WFDC1: variants seen among roughly 807,000 people sequenced by gnomAD.
The protein encoded by WFDC1 is WAP four-disulfide core domain 1.
A neutral mutation model predicts 32.9 loss-of-function variants in WFDC1; 39 were observed. The observed-to-expected ratio is 1.19, with a 90% CI of 0.92 to 1.55. The LOEUF (loss-of-function observed/expected upper bound fraction) is 1.55, where lower values mean the gene tolerates loss of function less well. WFDC1 is among the 40% of genes most tolerant of loss of function. WFDC1 has a pLI of 0.00. For synonymous variants in WFDC1, 184 were observed against 137.4 expected, an observed-to-expected ratio of 1.34 and a Z score of -2.37; for missense variants, 386 against 309.5, an observed-to-expected ratio of 1.25 and a Z score of -1.85.
chr16:84,295,900 G>A (rs921789231), intron 1 of WFDC1: 2 of 152,530 alleles, frequency 1.3e-5, no homozygotes, highest in African/African-American at 4.8e-5. Context: ...ACTGTCCTAG[G>A]CTGTGGGGAT....
intron 1 of WFDC1, among the ~76,000 whole-genome samples, chr16:84,302,563 G>A (rs535450168): frequency 4.6e-5 from 7 of 151,980 alleles, no homozygotes; most frequent in East Asian, 3.9e-4. Context: ...CATCTCCTCC[G>A]AGGCCTCTCC....
At chr16:84,310,400 G>T (rs1449401436) in intron 1 of WFDC1, among the ~76,000 whole-genome samples, 1 of 152,186 alleles carries the variant, frequency 6.6e-6, no homozygotes, top group Non-Finnish European at 1.5e-5. Flanking sequence ...AGCAGCTTCA[G>T]TAGCTTTGTG....
chr16:84,328,198 C>G (rs1908713878), intron 6 of WFDC1: 1 of 152,630 alleles, frequency 6.6e-6, no homozygotes, highest in Non-Finnish European at 1.5e-5. Context: ...CTTTGGGGAG[C>G]CAAAGAAGGC....
At chr16:84,326,673 A>G in intron 5 of WFDC1, 1 of 571,934 alleles carries the variant, frequency 1.7e-6, no homozygotes, top group Non-Finnish European at 3.1e-6. Flanking sequence ...GGGAGGTAAG[A>G]CCAGAAACAT....
At chr16:84,317,982 G>T (rs559596666) in intron 2 of WFDC1, 35 of 336,098 alleles carry the variant, frequency 1.0e-4, no homozygotes, top group African/African-American at 5.8e-4. Flanking sequence ...GAGGAGCAGA[G>T]AGCCCCGATT....
chr16:84,307,972 G>C (rs1175099837), intron 1 of WFDC1, among the ~76,000 whole-genome samples: 1 of 152,202 alleles, frequency 6.6e-6, no homozygotes, highest in Non-Finnish European at 1.5e-5. Flanking sequence ...TCTCCCCTCT[G>C]TCTTTGGGGA....
At position 84,313,003 on chromosome 16, in the gene WFDC1, G is replaced by A. The variant is rs1907730600; in HGVS notation, c.187G>A (p.Ala63Thr). The change falls in exon 2 of 7, where the codon GCA becomes ACA. Residue 63 changes from alanine (A) to threonine (T), a missense_variant. Coordinates refer to ENST00000219454, the MANE Select transcript of WFDC1 (RefSeq NM_021197.4). ...GAPGGPRQPR[A>T]DRCPPPPRTL... ...GCCCGGCGGCCCCCGGCAGCCCCGA[G>A]CAGACCGCTGCCCGCCGCCTCCGCG... 36 of 1,266,706 alleles carry A rather than the reference G, an allele frequency of 2.8e-5. No homozygotes were observed. The highest frequency in any genetic ancestry group is 4.3e-5 in the Admixed American group (1 of 23,394). The allele number at this position is 1,266,706 out of a possible 1,614,324, so 78.5% of individuals were successfully genotyped here. A position where few individuals can be genotyped will look rare whatever the true frequency, so the allele number is the denominator to read the frequency against.
At chr16:84,328,314 A>C (rs936889199) in intron 6 of WFDC1, 1 of 152,362 alleles carries the variant, frequency 6.6e-6, no homozygotes, top group Non-Finnish European at 1.5e-5. Context: ...GCGTAGGTGC[A>C]TGCAAAGGGC....
intron 1 of WFDC1, among the ~76,000 whole-genome samples, chr16:84,311,409 T>TTTTTTTC (rs1567656818): frequency 2.3e-4 from 31 of 137,146 alleles, no homozygotes; most frequent in Non-Finnish European, 4.8e-4. Context: ...TTTGTATTTT[T>TTTTTTTC]AGTAGAGACG....
intron 1 of WFDC1, among the ~76,000 whole-genome samples, chr16:84,299,497 G>A (rs1050943132): frequency 1.3e-5 from 2 of 152,156 alleles, no homozygotes; most frequent in Non-Finnish European, 2.9e-5. Context: ...GAGCTCAGTC[G>A]GTTCTGTGGA....
At position 84,319,556 on chromosome 16, in the gene WFDC1, C is replaced by T. The variant is rs917337476; in HGVS notation, c.547C>T (p.Gln183Ter). 6 of 1,612,504 alleles carry T rather than the reference C, an allele frequency of 3.7e-6. No homozygotes were observed. The African/African-American group carries it at 4.0e-5, about 11-fold the overall frequency. ...CCCCAACCGTGGGCAGTGCGTCAAG[C>T]AGCGCCGGCAAGCAGGTGAGTGTGG... Reference protein sequence around the residue: ...GIPNRGQCVKQRRQADGRILR... With the variant: ...GIPNRGQCVK Residue 183 changes from glutamine to a stop codon, truncating the protein, a stop_gained, in exon 4 of 7, where the codon CAG becomes TAG. Coordinates refer to ENST00000219454, the MANE Select transcript of WFDC1 (RefSeq NM_021197.4). LOFTEE classifies it high-confidence loss of function.
chr16:84,313,086 G>A lies in WFDC1; in HGVS notation c.270G>A (p.Pro90=), dbSNP rs1418805218. The A allele has an allele frequency of 1.4e-6, 2 of 1,426,188 alleles. No homozygotes were observed. Among genetic ancestry groups the A allele is most frequent in the Non-Finnish European group, 1.8e-6 (2 of 1,095,352 alleles). 88.3% of individuals were successfully genotyped at this position (1,426,188 alleles called of 1,614,324 possible). A position where few individuals can be genotyped will look rare whatever the true frequency, so the allele number is the denominator to read the frequency against. ...AARCQADSEC[P]RHRRCCYNGC... is the part of the protein sequence containing the mutation. The stretch of plus-strand genomic sequence containing the variant: ...GCTGTCAGGCGGACTCCGAGTGCCC[G>A]CGGCACCGGCGCTGCTGCTACAACG... The change falls in exon 2 of 7, where the codon CCG becomes CCA. Residue 90 remains proline, a synonymous_variant. Coordinates refer to ENST00000219454, the MANE Select transcript of WFDC1 (RefSeq NM_021197.4).
intron 1 of WFDC1, among the ~76,000 whole-genome samples, chr16:84,299,668 G>A (rs957682586): frequency 1.3e-5 from 2 of 152,210 alleles, no homozygotes; most frequent in Non-Finnish European, 2.9e-5. Context: ...GCCACCATGC[G>A]GGCCTCGGTG....
Position 84,294,914 on chromosome 16 carries a change from C to G in WFDC1, c.-58C>G, listed in dbSNP as rs960078577. On this transcript the variant is annotated 5_prime_UTR_variant, in exon 1 of 7. Coordinates refer to ENST00000219454, the MANE Select transcript of WFDC1 (RefSeq NM_021197.4). The stretch of plus-strand genomic sequence containing the variant: ...GCTCCTGTCCCCACTCACAGGCCCA[C>G]GCAGCGAGGGGGGCCCCTCTTCTGT... 3.8e-6 allele frequency: 6 copies of G among 1,575,152 alleles called. No homozygotes were observed. The highest frequency in any genetic ancestry group is 1.3e-5 in the African/African-American group (1 of 74,160).
chr16:84,317,988 C>G (rs1422927007), intron 2 of WFDC1: 2 of 345,170 alleles, frequency 5.8e-6, no homozygotes, highest in East Asian at 1.1e-4. Flanking sequence ...CAGAGAGCCC[C>G]GATTGGAGGG....
At chr16:84,318,183 G>T (rs4782606) in intron 2 of WFDC1, 89 bp from the exon 3 acceptor site, 6 of 1,204,756 alleles carry the variant, frequency 5.0e-6, no homozygotes, top group African/African-American at 1.5e-5. Context: ...CCTCTGTGCT[G>T]TCATGAAGTT....
At chr16:84,321,950 G>C (rs1469436729) in intron 4 of WFDC1, among the ~76,000 whole-genome samples, 1 of 152,148 alleles carries the variant, frequency 6.6e-6, no homozygotes, top group African/African-American at 2.4e-5. Context: ...TACTTCATGG[G>C]GTAGTTATGG....
chr16:84,324,879 C>T (rs539474608), intron 5 of WFDC1, among the ~76,000 whole-genome samples: 4 of 151,706 alleles, frequency 2.6e-5, no homozygotes, highest in Non-Finnish European at 5.9e-5. Flanking sequence ...ATCCATCCAC[C>T]GATTCATCCA....
intron 1 of WFDC1, among the ~76,000 whole-genome samples, chr16:84,306,657 G>A (rs1278502361): frequency 6.6e-6 from 1 of 152,200 alleles, no homozygotes; most frequent in Non-Finnish European, 1.5e-5. Flanking sequence ...CCCCTGCTCT[G>A]CAGAACCCAC....
Sources: allele counts gnomAD v4.1 joint callset (sites outside exome capture counted in the v4.1 genomes callset), GRCh38; gene constraint gnomAD v4.1.1; transcripts MANE v1.5; gene names NCBI Gene and HGNC (gene_info 2026-07-23, HGNC 2026-07-21).